Variants in STOML3 observed in about 807,000 individuals in gnomAD.
The protein encoded by STOML3 is stomatin-like protein 3.
In STOML3, 31 loss-of-function variants were observed where a neutral mutation model predicts 29.5. The ratio of observed to expected loss-of-function variants is 1.05; its 90% CI spans 0.79 to 1.42. The LOEUF is 1.42. Ranked by LOEUF, STOML3 falls within the 40% of genes most tolerant of loss-of-function variation. The pLI is 0.00. For synonymous variants in STOML3, 122 were observed against 139.8 expected (o/e 0.87, Z 0.90); for missense variants, 380 against 363.0 (o/e 1.05, Z -0.38).
At chr13:38,983,481 C>T (rs749598476) in intron 1 of STOML3, among the ~76,000 whole-genome samples, 8 of 152,002 alleles carry the variant, frequency 5.3e-5, no homozygotes, top group Non-Finnish European at 8.8e-5. Context: ...TGTTCTGGTC[C>T]ATCTAGATAA....
rs1305326713 is a variant in STOML3, at chr13:38,966,828, G to T, written c.873C>A (p.Ala291=). 3.7e-6 allele frequency: 6 copies of T among 1,612,636 alleles called. No homozygotes were observed. Among genetic ancestry groups the T allele is most frequent in the African/African-American group, 1.3e-5 (1 of 74,852 alleles). Reference sequence around the variant, plus strand: ...AGCTGACTACCGCAAGAGGACCTCAGGCTTTATTTGGAAGCTTCTTGTGGT... The same window carrying T: ...AGCTGACTACCGCAAGAGGACCTCATGCTTTATTTGGAAGCTTCTTGTGGT... ...YDNHKKLPNK[A] Residue 291 remains alanine (A), a synonymous_variant, in exon 7 of 7, where the codon GCC becomes GCA. Coordinates refer to ENST00000379631, the MANE Select transcript of STOML3 (RefSeq NM_145286.3).
chr13:38,967,240 C>T (rs1593495492), intron 6 of STOML3, among the ~76,000 whole-genome samples, 191 bp from the exon 7 acceptor site: 1 of 152,132 alleles, frequency 6.6e-6, no homozygotes, highest in South Asian at 2.1e-4. Flanking sequence ...TTGCAGGAAG[C>T]AAGGAGGGAT....
rs1281835780 is a variant in STOML3, at chr13:38,988,337, T to C, written c.52+2333A>G. Among the ~76,000 whole-genome samples, 688 of 81,746 alleles carry C rather than the reference T, an allele frequency of 8.4e-3. 47 individuals are homozygous for C. The highest frequency in any genetic ancestry group is 0.015 in the Middle Eastern group (1 of 66). The allele number at this position is 81,746 out of a possible 152,430, so 53.6% of individuals were successfully genotyped here. ...ATAATATATTATATTTTATATATAA[T>C]ATATTATATTTTATATCATATATTT... On this transcript the variant is annotated intron_variant, in intron 1 of 6. Transcript: ENST00000379631.
Position 38,966,118 on chromosome 13 carries a change from A to G in STOML3, c.*707T>C, listed in dbSNP as rs946240725. ...GGTTTCAACCAATGCAACCTTTCCA[A>G]GCATTCTCCCTTGTAAGCAAATAAA... On this transcript the variant is annotated 3_prime_UTR_variant, in exon 7 of 7. Transcript: ENST00000379631. 12 of 152,170 alleles carry G rather than the reference A, an allele frequency of 7.9e-5. No homozygotes were observed. Among genetic ancestry groups the G allele is most frequent in the African/African-American group, 2.7e-4 (11 of 41,434 alleles). The allele number at this position is 152,170 out of a possible 1,614,324, so 9.4% of individuals were successfully genotyped here.
At position 38,974,392 on chromosome 13, in the gene STOML3, TG is replaced by T. The variant is rs368404966; in HGVS notation, c.230-1799del. Reference sequence around the variant, plus strand: ...GGCCTCTAAACCTTACTTCCATTTTTGGTGCCAGGTCACTGTGGTTAAGATC... The same window carrying T: ...GGCCTCTAAACCTTACTTCCATTTTTGTGCCAGGTCACTGTGGTTAAGATC... On this transcript the variant is annotated intron_variant, in intron 3 of 6. Transcript: ENST00000379631. Among the ~76,000 whole-genome samples the T allele has an allele frequency of 4.0e-3, 605 of 152,226 alleles. 3 individuals are homozygous for T. The highest frequency in any genetic ancestry group is 0.012 in the African/African-American group (513 of 41,520).
chr13:38,980,263 G>T, intron 1 of STOML3: 1 of 828,852 alleles, frequency 1.2e-6, no homozygotes, highest in Non-Finnish European at 1.9e-6. Flanking sequence ...GCCAGTTAAA[G>T]TGGGGCTGTG....
At chr13:38,986,273 G>T (rs1868545403) in intron 1 of STOML3, among the ~76,000 whole-genome samples, 1 of 151,858 alleles carries the variant, frequency 6.6e-6, no homozygotes. Context: ...GACCTCAGGT[G>T]ATCCACCTGC....
chr13:38,988,891 T>C (rs1868865941), intron 1 of STOML3, among the ~76,000 whole-genome samples: 1 of 141,426 alleles, frequency 7.1e-6, no homozygotes. Context: ...TATTACATAT[T>C]ATATACTATA....
rs1170409048 is a variant in STOML3, at chr13:38,985,911, C to CTTTTTTTTTT, written c.52+4749_52+4758dup. The stretch of plus-strand genomic sequence containing the variant: ...TTTCTTTTTTTTTTTTCTTTTCTTT[C>CTTTTTTTTTT]TTTTTTTTTTTTTTTTTTTTTTGTT... On this transcript the variant is annotated intron_variant, in intron 1 of 6. Transcript: ENST00000379631. Among the ~76,000 whole-genome samples, 605 of 85,552 alleles carry CTTTTTTTTTT rather than the reference C, an allele frequency of 7.1e-3. 2 individuals are homozygous for CTTTTTTTTTT. Among genetic ancestry groups the CTTTTTTTTTT allele is most frequent in the Middle Eastern group, 0.014 (1 of 70 alleles). 56.1% of individuals were successfully genotyped at this position (85,552 alleles called of 152,430 possible).
chr13:38,971,988 G>A (rs1430280721), intron 4 of STOML3, among the ~76,000 whole-genome samples: 1 of 152,134 alleles, frequency 6.6e-6, no homozygotes. Context: ...AGTGGGCCCT[G>A]TACAGCCTCT....
In STOML3 at chr13:38,976,695, T is replaced by C. The variant is rs1593502285; in HGVS notation, c.155A>G (p.Lys52Arg). 1 of 1,613,940 alleles carries C rather than the reference T, an allele frequency of 6.2e-7. No homozygotes were observed. Among genetic ancestry groups the C allele is most frequent in the East Asian group, 2.2e-5 (1 of 44,872 alleles). ...CCAGTTTATTTCCCAGGGTGTTACC[T>C]TCAAGCACATCCATATGGAGATGGG... Reference protein sequence around the residue: ...TFPISIWMCLKIIKEYERAVV... With the variant: ...TFPISIWMCLRIIKEYERAVV... Residue 52 changes from lysine to arginine, a missense_variant and splice_region_variant, in exon 2 of 7, where the codon AAG (lysine) becomes AGG (arginine). Coordinates refer to ENST00000379631, the MANE Select transcript of STOML3 (RefSeq NM_145286.3).
chr13:38,968,324 T>C, intron 6 of STOML3, 76 bp downstream of exon 6: 1 of 1,540,876 alleles, frequency 6.5e-7, no homozygotes, highest in Non-Finnish European at 8.8e-7. Flanking sequence ...AGACCCAATC[T>C]TCTGTTCAAG....
At chr13:38,982,937 G>A (rs987633145) in intron 1 of STOML3, among the ~76,000 whole-genome samples, 1 of 152,082 alleles carries the variant, frequency 6.6e-6, no homozygotes, top group African/African-American at 2.4e-5. Flanking sequence ...TATATAAAAT[G>A]CAGATTCCCT....
chr13:38,970,540 A>G, intron 4 of STOML3, 152 bp from the exon 5 acceptor site: 1 of 629,274 alleles, frequency 1.6e-6, no homozygotes. Flanking sequence ...GCTTGGATAG[A>G]ATATCTTCCC....
chr13:38,968,819 G>T (rs1019432346), intron 5 of STOML3, among the ~76,000 whole-genome samples: 1 of 152,106 alleles, frequency 6.6e-6, no homozygotes, highest in Admixed American at 6.5e-5. Flanking sequence ...TCCCAAGGAG[G>T]TATATGAGAT....
intron 3 of STOML3, among the ~76,000 whole-genome samples, chr13:38,975,563 G>T (rs1466291286): frequency 1.3e-5 from 2 of 152,036 alleles, no homozygotes; most frequent in African/African-American, 4.8e-5. Context: ...TGTTATCAGA[G>T]AAATATAGCT....
rs1269220964 is a variant in STOML3, at chr13:38,968,635, C to A, written c.517-101G>T. ...TTCAAGATACATTTTTCTTTTTTTT[C>A]TTTTTCTTTTGCATTTACAGCATTT... On this transcript the variant is annotated intron_variant, in intron 5 of 6. Coordinates refer to ENST00000379631, the MANE Select transcript of STOML3 (RefSeq NM_145286.3). 4.2e-6 allele frequency: 6 copies of A among 1,418,112 alleles called. No individual in the cohort carries two copies. In the Admixed American group the frequency reaches 1.3e-4, roughly 32 times the overall value. 87.8% of individuals were successfully genotyped at this position (1,418,112 alleles called of 1,614,324 possible).
chr13:38,972,071 C>T (rs912305066), intron 4 of STOML3, among the ~76,000 whole-genome samples: 8 of 152,194 alleles, frequency 5.3e-5, no homozygotes, highest in Non-Finnish European at 1.0e-4. Context: ...GCAAATGTGA[C>T]TCATGTGGAT....
chr13:38,972,796 CT>C (rs1880927267), intron 3 of STOML3, among the ~76,000 whole-genome samples: 1 of 152,080 alleles, frequency 6.6e-6, no homozygotes, highest in Admixed American at 6.5e-5. Flanking sequence ...GAAGTGAAGT[CT>C]TTTGGTAAGA....
Sources: allele counts gnomAD v4.1 joint callset (sites outside exome capture counted in the v4.1 genomes callset), GRCh38; gene constraint gnomAD v4.1.1; transcripts MANE v1.5; gene names NCBI Gene and HGNC (gene_info 2026-07-23, HGNC 2026-07-21).